The following ZBED6 variants were observed in gnomAD, a reference collection of about 807,000 sequenced individuals.
The protein encoded by ZBED6 is zinc finger BED-type containing 6.
Under a neutral mutation model 58.4 loss-of-function variants are expected in ZBED6, and 40 were observed. The observed-to-expected ratio is 0.68, with a 90% CI of 0.53 to 0.89. ZBED6 has a LOEUF of 0.89. ZBED6 is among the 40% of genes least tolerant of loss of function. ZBED6 has a pLI of 0.00. For synonymous variants in ZBED6, 439 were observed against 350.6 expected, an observed-to-expected ratio of 1.25 and a Z score of -2.82; for missense variants, 1,057 against 1,003.9, an observed-to-expected ratio of 1.05 and a Z score of -0.71.
chr1:203,809,756 C>T (rs1331141167), intron 1 of ZBED6, among the ~76,000 whole-genome samples: 1 of 152,000 alleles, frequency 6.6e-6, no homozygotes, highest in African/African-American at 2.4e-5. Context: ...GAGTTCGAGA[C>T]CAATCTGGCC....
chr1:203,800,184 T>C (rs1310957699), exon 1 of ZBED6: 2 of 1,525,336 alleles, frequency 1.3e-6, no homozygotes, highest in African/African-American at 2.7e-5. Flanking sequence ...TTTAATTTAC[T>C]GGCAGAGGAA....
chr1:203,824,356 A>AT (rs1679795382), intron 3 of ZBED6, among the ~76,000 whole-genome samples: 1 of 152,118 alleles, frequency 6.6e-6, no homozygotes, highest in Non-Finnish European at 1.5e-5. Flanking sequence ...GGAAGTATAA[A>AT]GGTGAAACTT....
At chr1:203,824,832 C>T (rs1321827487) in intron 3 of ZBED6, among the ~76,000 whole-genome samples, 1 of 152,114 alleles carries the variant, frequency 6.6e-6, no homozygotes, top group Non-Finnish European at 1.5e-5. Flanking sequence ...GTAATCCCAG[C>T]ACTTTGGGAG....
chr1:203,802,714 C>CTTTTTTTTTTTT (rs150416242), exon 1 of ZBED6: 1 of 131,636 alleles, frequency 7.6e-6, no homozygotes, highest in African/African-American at 2.7e-5. Context: ...TAAATGAACT[C>CTTTTTTTTTTTT]TTTTTTTTTG....
chr1:203,834,786 A>G (rs1349179783), intron 9 of ZBED6, among the ~76,000 whole-genome samples: 5 of 152,012 alleles, frequency 3.3e-5, no homozygotes, highest in Admixed American at 6.5e-5. Flanking sequence ...AGTAGCTGGG[A>G]TTACAGGCAC....
chr1:203,831,850 TA>T, intron 8 of ZBED6, 79 bp downstream of exon 8: 1 of 1,184,768 alleles, frequency 8.4e-7, no homozygotes, highest in Non-Finnish European at 1.2e-6. Context: ...GGGTATCTTT[TA>T]CCTTTGATGA....
chr1:203,798,638 G>A (rs1157081095), exon 1 of ZBED6: 1 of 1,536,016 alleles, frequency 6.5e-7, no homozygotes, highest in Non-Finnish European at 8.7e-7. Context: ...ATGAACCTAT[G>A]TTAGAGGTTG....
intron 1 of ZBED6, among the ~76,000 whole-genome samples, chr1:203,806,907 C>CT (rs1449786970): frequency 1.2e-5 from 1 of 85,444 alleles, no homozygotes; most frequent in Admixed American, 1.2e-4. Flanking sequence ...ACCATTTTTT[C>CT]TTTTTTGAAG....
At chr1:203,808,858 T>C (rs774832815) in intron 1 of ZBED6, among the ~76,000 whole-genome samples, 1 of 152,122 alleles carries the variant, frequency 6.6e-6, no homozygotes, top group Non-Finnish European at 1.5e-5. Flanking sequence ...GAGAAGGCGT[T>C]TTTCTGTTGT....
rs749300340 is a variant in ZBED6 at position 203,818,563 on chromosome 1, T to C, written c.*2754-7T>C. ...CTACAAATAGAGTGTTCTCTATTTGTTTACAGGGTGACAGCTGCCCATTCC... is the reference window on the plus strand; with the variant it reads ...CTACAAATAGAGTGTTCTCTATTTGCTTACAGGGTGACAGCTGCCCATTCC... On this transcript the variant is annotated splice_polypyrimidine_tract_variant and splice_region_variant and intron_variant, in intron 2 of 16. Transcript: ENST00000550078. 2 of 1,613,982 alleles carry C rather than the reference T, an allele frequency of 1.2e-6. No homozygotes were observed. Among genetic ancestry groups the C allele is most frequent in the Non-Finnish European group, 1.7e-6 (2 of 1,179,930 alleles).
chr1:203,829,413 C>T, intron 4 of ZBED6, 38 bp from the exon 5 acceptor site: 1 of 1,611,148 alleles, frequency 6.2e-7, no homozygotes, highest in South Asian at 1.1e-5. Flanking sequence ...GGGGTTGTAT[C>T]TTCTGTTTTT....
At chr1:203,838,034 G>T in exon 10 of ZBED6, 1 of 1,614,182 alleles carries the variant, frequency 6.2e-7, no homozygotes. Context: ...TGAAGCTCCA[G>T]AAACTAACAT....
chr1:203,841,902 C>T (rs1174264548), intron 11 of ZBED6, among the ~76,000 whole-genome samples: 6 of 148,398 alleles, frequency 4.0e-5, no homozygotes, highest in Admixed American at 1.3e-4. Context: ...CGGGCAGAGA[C>T]GCTCCTCACC....
chr1:203,844,571 A>T (rs888013578), intron 11 of ZBED6, among the ~76,000 whole-genome samples: 2 of 151,902 alleles, frequency 1.3e-5, no homozygotes, highest in Non-Finnish European at 2.9e-5. Context: ...GTTTATCTTA[A>T]ATATTGTTGT....
chr1:203,852,533 T>A, exon 17 of ZBED6: 2 of 938,918 alleles, frequency 2.1e-6, no homozygotes, highest in African/African-American at 1.7e-5. Context: ...ACCTCTGAAT[T>A]ATCTGTATGT....
rs12069563 is a variant in ZBED6 at position 203,836,900 on chromosome 1, G to T, written c.*3574-1066G>T. On this transcript the variant is annotated intron_variant, in intron 9 of 16. Coordinates refer to ENST00000550078, the Ensembl canonical transcript of ZBED6. ...TTCTTTTCTAGAATTGGAGAGAGAG[G>T]GGTTATGTGGCTCTTAAAGTCTTCA... Among the ~76,000 whole-genome samples the T allele has an allele frequency of 6.2e-3, 946 of 152,192 alleles. 14 individuals carry two copies. The highest frequency in any genetic ancestry group is 0.043 in the East Asian group (221 of 5,188).
At chr1:203,806,757 T>TCC (rs1187091206) in intron 1 of ZBED6, among the ~76,000 whole-genome samples, 1 of 152,068 alleles carries the variant, frequency 6.6e-6, no homozygotes, top group African/African-American at 2.4e-5. Flanking sequence ...TTCTGGTGAT[T>TCC]ATGTGCATTT....
chr1:203,833,173 G>A (rs1485127066), intron 8 of ZBED6, among the ~76,000 whole-genome samples: 1 of 152,118 alleles, frequency 6.6e-6, no homozygotes, highest in African/African-American at 2.4e-5. Context: ...TTCGAGACCA[G>A]CCCGACCAAC....
rs373667365 is a variant in ZBED6 at position 203,813,745 on chromosome 1, G to T, written c.*2555-3181G>T. ...TTACCCATTCTGGCTTCTGGTGTTT[G>T]TTGGCAATCCTTGGCATTCCTTGGT... On this transcript the variant is annotated intron_variant, in intron 1 of 16. Coordinates refer to ENST00000550078, the Ensembl canonical transcript of ZBED6. 1.3e-4 allele frequency among the ~76,000 whole-genome samples: 20 copies of T among 152,172 alleles called. No homozygotes were observed. In the East Asian group the frequency reaches 2.1e-3, roughly 16 times the overall value.
Sources: allele counts gnomAD v4.1 joint callset (sites outside exome capture counted in the v4.1 genomes callset), GRCh38; gene constraint gnomAD v4.1.1; transcripts MANE v1.5; gene names NCBI Gene and HGNC (gene_info 2026-07-23, HGNC 2026-07-21).